Variants in ZMYND11 observed in about 807,000 individuals in gnomAD.
ZMYND11 encodes zinc finger MYND-type containing 11, also known as zinc finger MYND domain-containing protein 11.
ZMYND11 carries 9 observed loss-of-function variants against 84.9 expected under a neutral mutation model. That is an observed-to-expected ratio of 0.11 (90% CI 0.06 to 0.18). ZMYND11 has a LOEUF of 0.18. Ranked by LOEUF, ZMYND11 falls within the 10% of genes least tolerant of loss-of-function variation. ZMYND11 has a pLI of 1.00. For synonymous variants in ZMYND11, 250 were observed against 244.1 expected (o/e 1.02, Z -0.23); for missense variants, 409 against 761.0 (o/e 0.54, Z 5.44).
At chr10:151,525 A>G (rs1840365576) in intron 1 of ZMYND11, among the ~76,000 whole-genome samples, 1 of 152,218 alleles carries the variant, frequency 6.6e-6, no homozygotes. Flanking sequence ...AAAGAGAGTA[A>G]AAAGAAATGA....
intron 2 of ZMYND11, among the ~76,000 whole-genome samples, chr10:202,212 G>A (rs914519895): frequency 1.3e-5 from 2 of 152,094 alleles, no homozygotes; most frequent in East Asian, 1.9e-4. Flanking sequence ...CCTGTAATAC[G>A]CAGTAGGATC....
intron 1 of ZMYND11, among the ~76,000 whole-genome samples, chr10:155,094 T>C (rs1434760208): frequency 6.6e-6 from 1 of 152,204 alleles, no homozygotes; most frequent in African/African-American, 2.4e-5. Flanking sequence ...CTTTTTATTT[T>C]ATTTGTTTAT....
At chr10:235,615 G>A (rs1589162341) in intron 4 of ZMYND11, among the ~76,000 whole-genome samples, 1 of 152,324 alleles carries the variant, frequency 6.6e-6, no homozygotes, top group South Asian at 2.1e-4. Flanking sequence ...CAGCCACGTT[G>A]TATAAAAGTT....
At chr10:154,735 G>T (rs782037543) in intron 1 of ZMYND11, 6 of 152,120 alleles carry the variant, frequency 3.9e-5, no homozygotes, top group Admixed American at 6.5e-5. Context: ...TAGATGTAAA[G>T]ATTTTAATAG....
chr10:130,815 T>C (rs546783748), upstream of ZMYND11, among the ~76,000 whole-genome samples: 67 of 152,324 alleles, frequency 4.4e-4, no homozygotes, highest in South Asian at 5.2e-3. Context: ...TTCTTCTACA[T>C]CATGCTATAG....
chr10:159,183 G>A (rs1214219951), intron 1 of ZMYND11, among the ~76,000 whole-genome samples: 1 of 149,102 alleles, frequency 6.7e-6, no homozygotes, highest in African/African-American at 2.5e-5. Context: ...TATTCAGCCA[G>A]TTCCTTATTG....
At chr10:180,198 AT>A in intron 2 of ZMYND11, 70 bp downstream of exon 2, 1 of 1,193,960 alleles carries the variant, frequency 8.4e-7, no homozygotes, top group Non-Finnish European at 1.2e-6. Flanking sequence ...GCCAAAAAAA[AT>A]TTTATCTGTT....
intron 1 of ZMYND11, among the ~76,000 whole-genome samples, chr10:145,467 G>A (rs932845747): frequency 8.6e-5 from 13 of 152,030 alleles, no homozygotes; most frequent in African/African-American, 2.2e-4. Flanking sequence ...TTAAAGGAAC[G>A]TCCGTGCCGT....
intron 2 of ZMYND11, among the ~76,000 whole-genome samples, chr10:185,871 T>G (rs1938249601): frequency 6.6e-6 from 1 of 151,336 alleles, no homozygotes. Flanking sequence ...GCACAGGCTA[T>G]TTTCTGAAGT....
chr10:193,073 C>T (rs896261121), intron 2 of ZMYND11, among the ~76,000 whole-genome samples: 1 of 152,032 alleles, frequency 6.6e-6, no homozygotes, highest in African/African-American at 2.4e-5. Context: ...TGCCTAATGT[C>T]TTATGCTTTT....
chr10:197,724 G>A (rs1480624804), intron 2 of ZMYND11, among the ~76,000 whole-genome samples: 1 of 152,164 alleles, frequency 6.6e-6, no homozygotes, highest in South Asian at 2.1e-4. Flanking sequence ...TGCAAAGCTC[G>A]TGTCAGGTGG....
At chr10:192,924 C>T (rs1940817874) in intron 2 of ZMYND11, among the ~76,000 whole-genome samples, 1 of 152,158 alleles carries the variant, frequency 6.6e-6, no homozygotes, top group African/African-American at 2.4e-5. Context: ...GCTCTTTATT[C>T]TAAACATTAA....
At chr10:170,807 A>G (rs1845151165) in intron 1 of ZMYND11, among the ~76,000 whole-genome samples, 1 of 152,144 alleles carries the variant, frequency 6.6e-6, no homozygotes, top group South Asian at 2.1e-4. Flanking sequence ...AACCAATGGA[A>G]CATAGTGACA....
At chr10:147,753 G>C (rs1839249623) in intron 1 of ZMYND11, 1 of 151,568 alleles carries the variant, frequency 6.6e-6, no homozygotes, top group Non-Finnish European at 1.5e-5. Context: ...ATCATTGGTT[G>C]ATATTCCCTG....
rs373743646 is a variant in ZMYND11, at chr10:179,984, A to C, written c.-19-10A>C. 53 of 1,535,470 alleles carry C rather than the reference A, an allele frequency of 3.5e-5. No individual in the cohort carries two copies. Among genetic ancestry groups the C allele is most frequent in the Non-Finnish European group, 4.4e-5 (49 of 1,116,520 alleles). On this transcript the variant is annotated splice_polypyrimidine_tract_variant and intron_variant, in intron 1 of 14. Transcript: ENST00000381604. ...GTTTTTTTCCCTTATGTTTTTGTTT[A>C]TTACTGCAGCTAAAGAAGTAAACAG...
intron 1 of ZMYND11, among the ~76,000 whole-genome samples, chr10:157,569 G>C (rs1554759731): frequency 6.6e-6 from 1 of 152,130 alleles, no homozygotes. Flanking sequence ...TACTTTCCTA[G>C]AGGGTGGGGG....
chr10:205,793 A>C (rs1295228659), intron 2 of ZMYND11, among the ~76,000 whole-genome samples: 14 of 149,052 alleles, frequency 9.4e-5, no homozygotes, highest in Non-Finnish European at 4.5e-5. Flanking sequence ...TTTTTAAGTA[A>C]CTTTTTTTTT....
At chr10:235,756 A>G (rs1267670160) in intron 4 of ZMYND11, among the ~76,000 whole-genome samples, 1 of 152,228 alleles carries the variant, frequency 6.6e-6, no homozygotes, top group East Asian at 1.9e-4. Context: ...CAGAGAACCT[A>G]GGTGAGAAGT....
intron 5 of ZMYND11, 72 bp downstream of exon 5, chr10:236,987 G>A (rs1349065623): frequency 2.1e-6 from 3 of 1,399,524 alleles, no homozygotes; most frequent in African/African-American, 2.9e-5. Flanking sequence ...TTTCAAAGTT[G>A]AATGATCGAG....
Sources: allele counts gnomAD v4.1 joint callset (sites outside exome capture counted in the v4.1 genomes callset), GRCh38; gene constraint gnomAD v4.1.1; transcripts MANE v1.5; gene names NCBI Gene and HGNC (gene_info 2026-07-23, HGNC 2026-07-21).